The following MSH4 variants were observed in gnomAD, a reference collection of about 807,000 sequenced individuals.
MSH4 encodes the protein mutS protein homolog 4.
MSH4 carries 106 observed loss-of-function variants against 113.7 expected under a neutral mutation model. The ratio of observed to expected loss-of-function variants is 0.93; its 90% CI spans 0.80 to 1.10. The LOEUF is 1.10. MSH4 is among the 50% of genes least tolerant of loss of function. The pLI, the probability that MSH4 is intolerant of heterozygous loss-of-function variation, is 0.00. For synonymous variants in MSH4, 368 were observed against 380.2 expected (o/e 0.97, Z 0.37); for missense variants, 1,061 against 1,093.7 (o/e 0.97, Z 0.42).
At chr1:75,846,133 C>T (rs941245217) in intron 7 of MSH4, among the ~76,000 whole-genome samples, 2 of 118,510 alleles carry the variant, frequency 1.7e-5, no homozygotes, top group African/African-American at 7.1e-5. Context: ...ATGCTGAGGT[C>T]TCACAAGCAC....
At chr1:75,884,618 C>A (rs1280006557) in intron 15 of MSH4, among the ~76,000 whole-genome samples, 3 of 151,984 alleles carry the variant, frequency 2.0e-5, no homozygotes, top group South Asian at 4.1e-4. Flanking sequence ...TCTCCACGCT[C>A]CCCTGCTTTC....
chr1:75,862,395 T>G (rs189718092), intron 8 of MSH4, among the ~76,000 whole-genome samples: 33 of 152,304 alleles, frequency 2.2e-4, no homozygotes, highest in Admixed American at 1.3e-3. Flanking sequence ...AGACTGGAGC[T>G]CTTCCTATTT....
chr1:75,873,927 A>G (rs550494017), intron 9 of MSH4, among the ~76,000 whole-genome samples: 1 of 152,236 alleles, frequency 6.6e-6, no homozygotes, highest in Admixed American at 6.5e-5. Flanking sequence ...ATTCCTCTGC[A>G]TATATACCCA....
At chr1:75,823,236 A>G (rs1650470407) in intron 7 of MSH4, among the ~76,000 whole-genome samples, 1 of 152,226 alleles carries the variant, frequency 6.6e-6, no homozygotes, top group South Asian at 2.1e-4. Flanking sequence ...GTATTGTATT[A>G]AGACCTACCT....
intron 6 of MSH4, among the ~76,000 whole-genome samples, chr1:75,821,815 C>T (rs926352071): frequency 6.6e-6 from 1 of 152,040 alleles, no homozygotes; most frequent in African/African-American, 2.4e-5. Context: ...ACTATGTTGT[C>T]CATGCTGGTC....
intron 8 of MSH4, among the ~76,000 whole-genome samples, chr1:75,855,371 C>T (rs1651294212): frequency 6.6e-6 from 1 of 152,126 alleles, no homozygotes. Flanking sequence ...TAACAAAACA[C>T]TATGAATTGC....
At chr1:75,797,424 C>T (rs2100496418) in intron 1 of MSH4, among the ~76,000 whole-genome samples, 195 bp downstream of exon 1, 1 of 152,230 alleles carries the variant, frequency 6.6e-6, no homozygotes, top group African/African-American at 2.4e-5. Flanking sequence ...ATTGCAAGAC[C>T]TTGACTGTGG....
intron 2 of MSH4, among the ~76,000 whole-genome samples, chr1:75,804,162 A>G (rs1479608896): frequency 3.3e-5 from 5 of 152,218 alleles, no homozygotes; most frequent in Non-Finnish European, 4.4e-5. Context: ...CACAAGAAAG[A>G]GAAACCTCTC....
chr1:75,851,910 G>T (rs139208075), intron 8 of MSH4, among the ~76,000 whole-genome samples: 1 of 152,184 alleles, frequency 6.6e-6, no homozygotes, highest in East Asian at 1.9e-4. Context: ...CACATTCAAA[G>T]CCTACAATTT....
chr1:75,881,444 G>A, intron 14 of MSH4, 74 bp downstream of exon 14: 1 of 1,468,486 alleles, frequency 6.8e-7, no homozygotes, highest in Non-Finnish European at 9.3e-7. Flanking sequence ...TGATATAATA[G>A]TTATGACATT....
chr1:75,834,466 A>C (rs1037651529), intron 7 of MSH4, among the ~76,000 whole-genome samples: 2 of 152,264 alleles, frequency 1.3e-5, no homozygotes, highest in African/African-American at 2.4e-5. Flanking sequence ...TGCTGCTATA[A>C]AGACACATGC....
chr1:75,823,486 A>G (rs1337602650), intron 7 of MSH4, among the ~76,000 whole-genome samples: 1 of 152,088 alleles, frequency 6.6e-6, no homozygotes, highest in Non-Finnish European at 1.5e-5. Context: ...TCTGGAATAC[A>G]TGTGCTGAAA....
intron 6 of MSH4, 61 bp from the exon 7 acceptor site, chr1:75,822,348 G>T: frequency 1.3e-5 from 13 of 967,598 alleles, no homozygotes; most frequent in East Asian, 3.0e-5. Context: ...ATTACAAAGT[G>T]AAATGAAATT....
At chr1:75,857,064 C>A (rs1651335490) in intron 8 of MSH4, among the ~76,000 whole-genome samples, 1 of 152,076 alleles carries the variant, frequency 6.6e-6, no homozygotes, top group Non-Finnish European at 1.5e-5. Context: ...TTTCATATGT[C>A]TGTTGGCTGC....
chr1:75,885,805 TTAC>T (rs1652079885), intron 15 of MSH4, among the ~76,000 whole-genome samples: 1 of 119,974 alleles, frequency 8.3e-6, no homozygotes, highest in Admixed American at 1.1e-4. Context: ...ATATAATGTA[TTAC>T]ATATTATGTA....
chr1:75,797,252 A>T, intron 1 of MSH4, 23 bp downstream of exon 1: 1 of 1,587,936 alleles, frequency 6.3e-7, no homozygotes, highest in Non-Finnish European at 8.6e-7. Flanking sequence ...TGGGTGGAGG[A>T]GTCTCCTTGA....
In MSH4 at chr1:75,807,148, A is replaced by AT; in HGVS notation, c.588+9dup. On this transcript the variant is annotated splice_region_variant and intron_variant, in intron 3 of 19. Transcript: ENST00000263187. Reference sequence around the variant, plus strand: ...CAACACAACATATGCAAAGGTAAGTATTAATAATTCTAGAAAATGGTTGCT... The same window carrying AT: ...CAACACAACATATGCAAAGGTAAGTATTTAATAATTCTAGAAAATGGTTGCT... 2.6e-6 allele frequency: 4 copies of AT among 1,529,528 alleles called. No individual in the cohort carries two copies. The highest frequency in any genetic ancestry group is 3.5e-6 in the Non-Finnish European group (4 of 1,147,470). The allele number at this position is 1,529,528 out of a possible 1,614,324, so 94.7% of individuals were successfully genotyped here.
chr1:75,889,382 A>C lies in MSH4; in HGVS notation c.2226+13A>C, dbSNP rs1042706406. 7 of 1,172,456 alleles carry C rather than the reference A, an allele frequency of 6.0e-6. No homozygotes were observed. Among genetic ancestry groups the C allele is most frequent in the Non-Finnish European group, 4.9e-6 (4 of 814,880 alleles). The allele number at this position is 1,172,456 out of a possible 1,614,324, so 72.6% of individuals were successfully genotyped here. ...AGAAATGAAAGAGGTACCCAAACAA[A>C]ACTTTTCTTATGTTAAAAACATTAA... is the stretch of plus-strand genomic sequence containing the variant. On this transcript the variant is annotated intron_variant, in intron 16 of 19. Transcript: ENST00000263187.
rs142725811 is a variant in MSH4, at chr1:75,816,650, G to T, written c.989+104G>T. The T allele has an allele frequency of 3.3e-4, 225 of 686,122 alleles. No homozygotes were observed. The African/African-American group carries it at 4.1e-3, about 12-fold the overall frequency. 42.5% of individuals were successfully genotyped at this position (686,122 alleles called of 1,614,324 possible). ...TTTTTCTTTTTTAAATTTTGAGATG[G>T]AGTTTTGCTCTTGTTGCCCAGGCTG... is the stretch of plus-strand genomic sequence containing the variant. On this transcript the variant is annotated intron_variant, in intron 6 of 19. Transcript: ENST00000263187.
Sources: allele counts gnomAD v4.1 joint callset (sites outside exome capture counted in the v4.1 genomes callset), GRCh38; gene constraint gnomAD v4.1.1; transcripts MANE v1.5; gene names NCBI Gene and HGNC (gene_info 2026-07-23, HGNC 2026-07-21).